Variants in TMEM135 observed in about 807,000 individuals in gnomAD.
The protein encoded by TMEM135 is peroxisomal membrane protein 52.
Under a neutral mutation model 60.3 loss-of-function variants are expected in TMEM135, and 30 were observed. The ratio of observed to expected loss-of-function variants is 0.50; its 90% CI spans 0.37 to 0.68. The LOEUF (loss-of-function observed/expected upper bound fraction) is 0.68, where lower values mean the gene tolerates loss of function less well. TMEM135 is among the 30% of genes least tolerant of loss of function. The pLI is 0.00. For missense variants in TMEM135, 468 were observed against 548.8 expected, an observed-to-expected ratio of 0.85 and a Z score of 1.47; for synonymous variants, 190 against 186.7, an observed-to-expected ratio of 1.02 and a Z score of -0.14.
chr11:87,231,584 A>G (rs1294283535), intron 5 of TMEM135, among the ~76,000 whole-genome samples: 8 of 152,322 alleles, frequency 5.3e-5, no homozygotes, highest in Admixed American at 4.6e-4. Context: ...CATTAAGGTA[A>G]AATTTAGAAT....
intron 4 of TMEM135, among the ~76,000 whole-genome samples, chr11:87,140,471 T>A (rs1591050170): frequency 6.6e-6 from 1 of 152,310 alleles, no homozygotes; most frequent in East Asian, 1.9e-4. Flanking sequence ...TATCAATGTA[T>A]TAGTTGTTCT....
At chr11:87,224,866 T>C (rs1940733628) in intron 5 of TMEM135, among the ~76,000 whole-genome samples, 1 of 151,882 alleles carries the variant, frequency 6.6e-6, no homozygotes, top group Non-Finnish European at 1.5e-5. Context: ...AGCTTACTCA[T>C]GCAGTTTATC....
chr11:87,236,731 C>CT, intron 6 of TMEM135, 47 bp downstream of exon 6: 1 of 1,544,996 alleles, frequency 6.5e-7, no homozygotes, highest in Non-Finnish European at 8.9e-7. Flanking sequence ...AACAGTATCT[C>CT]TTTGTAATTT....
chr11:87,316,151 C>T (rs1176934581), intron 12 of TMEM135, among the ~76,000 whole-genome samples: 2 of 151,964 alleles, frequency 1.3e-5, no homozygotes, highest in South Asian at 4.1e-4. Context: ...GCTAGAGAAT[C>T]TCCCTCCCCT....
rs577513949 is a variant in TMEM135, at chr11:87,209,030, C to T, written c.463-27608C>T. 3.3e-5 allele frequency among the ~76,000 whole-genome samples: 5 copies of T among 152,230 alleles called. No individual in the cohort carries two copies. The South Asian group carries it at 6.2e-4, about 19-fold the overall frequency. On this transcript the variant is annotated intron_variant, in intron 5 of 14. Coordinates refer to ENST00000305494, the MANE Select transcript of TMEM135 (RefSeq NM_022918.4). ...AAGCAAACGCTAAAGGACTTTGTTA[C>T]GACTAGATCTGCACGATCTCCTAGA... is the stretch of plus-strand genomic sequence containing the variant.
Position 87,100,740 on chromosome 11 carries a change from T to TA in TMEM135, c.396+9347dup, listed in dbSNP as rs200205925. 2.1e-3 allele frequency among the ~76,000 whole-genome samples: 318 copies of TA among 152,184 alleles called. 1 individual carries two copies. The highest frequency in any genetic ancestry group is 7.5e-3 in the African/African-American group (311 of 41,530). On this transcript the variant is annotated intron_variant, in intron 4 of 14. Transcript: ENST00000305494. ...AGCCAGGCGTGGTGGCATGCGCCTG[T>TA]AATCCTACCTACTAGGGAGGCTGAG... is the stretch of plus-strand genomic sequence containing the variant.
chr11:87,070,007 TA>T (rs58046118), intron 2 of TMEM135, among the ~76,000 whole-genome samples: 22,439 of 141,416 alleles, frequency 0.16, 1,709 homozygotes, highest in Non-Finnish European at 0.17. Flanking sequence ...CTCTGCCTGT[TA>T]AAAAAAAAAA....
chr11:87,096,197 C>T (rs1030165845), intron 4 of TMEM135: 1 of 307,948 alleles, frequency 3.2e-6, no homozygotes, highest in Non-Finnish European at 6.5e-6. Context: ...ATCCGTTAAA[C>T]TCTTCTACAA....
intron 1 of TMEM135, among the ~76,000 whole-genome samples, chr11:87,054,808 G>A (rs1949877083): frequency 6.6e-6 from 1 of 151,306 alleles, no homozygotes; most frequent in South Asian, 2.1e-4. Context: ...TTTTTTTTCA[G>A]ACCCGTATGT....
chr11:87,211,313 T>C (rs1485329750), intron 5 of TMEM135, among the ~76,000 whole-genome samples: 1 of 152,248 alleles, frequency 6.6e-6, no homozygotes, highest in Non-Finnish European at 1.5e-5. Context: ...CTTCATACTT[T>C]TTATGCATCC....
At chr11:87,147,272 G>A (rs1019241854) in intron 4 of TMEM135, among the ~76,000 whole-genome samples, 1 of 152,134 alleles carries the variant, frequency 6.6e-6, no homozygotes, top group Non-Finnish European at 1.5e-5. Flanking sequence ...GCAATGAGCC[G>A]AGATCGTGCC....
intron 4 of TMEM135, chr11:87,096,243 C>G: frequency 3.5e-6 from 1 of 283,482 alleles, no homozygotes; most frequent in Non-Finnish European, 7.0e-6. Flanking sequence ...AGATACACAG[C>G]TTTAGATCCT....
rs200985009 is a variant in TMEM135 at position 87,319,294 on chromosome 11, C to G, written c.1177-16C>G. 860 of 1,604,184 alleles carry G rather than the reference C, an allele frequency of 5.4e-4. No homozygotes were observed. Among genetic ancestry groups the G allele is most frequent in the Non-Finnish European group, 7.0e-4 (823 of 1,171,376 alleles). On this transcript the variant is annotated splice_polypyrimidine_tract_variant and intron_variant, in intron 13 of 14. Coordinates refer to ENST00000305494, the MANE Select transcript of TMEM135 (RefSeq NM_022918.4). Reference sequence around the variant, plus strand: ...CATTTATATTTACTAAAAGAATTCTCAAATTTAATACTCAGGCTGTCATGG... The same window carrying G: ...CATTTATATTTACTAAAAGAATTCTGAAATTTAATACTCAGGCTGTCATGG...
chr11:87,278,962 T>C (rs566622693), intron 6 of TMEM135, among the ~76,000 whole-genome samples: 1 of 149,986 alleles, frequency 6.7e-6, no homozygotes, highest in Admixed American at 6.7e-5. Context: ...GTATGCACCT[T>C]TGTGTCTGGC....
intron 4 of TMEM135, among the ~76,000 whole-genome samples, chr11:87,130,166 ATTTT>A (rs57192191): frequency 0.13 from 19,310 of 146,694 alleles, 1,319 homozygotes; most frequent in Middle Eastern, 0.15. Context: ...CAGTTCCAGC[ATTTT>A]TTTTTTTTTA....
intron 6 of TMEM135, among the ~76,000 whole-genome samples, chr11:87,252,485 A>T (rs1209318658): frequency 6.6e-6 from 1 of 152,182 alleles, no homozygotes; most frequent in Non-Finnish European, 1.5e-5. Flanking sequence ...ATAAAAATAG[A>T]CATGGAGCCG....
chr11:87,319,871 G>C (rs1011757540), intron 14 of TMEM135, among the ~76,000 whole-genome samples: 10 of 152,130 alleles, frequency 6.6e-5, no homozygotes, highest in African/African-American at 2.2e-4. Flanking sequence ...AAGAGCATGG[G>C]CTTTGGAGTC....
chr11:87,229,351 A>G (rs946244473), intron 5 of TMEM135, among the ~76,000 whole-genome samples: 1 of 152,196 alleles, frequency 6.6e-6, no homozygotes, highest in Admixed American at 6.6e-5. Context: ...CAAAAGGATT[A>G]TAAACCTGGG....
At chr11:87,177,056 G>C (rs1418138911) in intron 5 of TMEM135, among the ~76,000 whole-genome samples, 1 of 152,126 alleles carries the variant, frequency 6.6e-6, no homozygotes, top group Non-Finnish European at 1.5e-5. Flanking sequence ...AAATCATCAA[G>C]TGAAAGAACA....
Sources: gnomAD v4.1 joint callset for allele counts (sites outside exome capture counted in the v4.1 genomes callset) on GRCh38, gnomAD v4.1.1 for gene constraint, MANE v1.5 for transcripts, NCBI Gene and HGNC (gene_info 2026-07-23, HGNC 2026-07-21) for gene names.